The following OTOR variants were observed in gnomAD, a reference collection of about 807,000 sequenced individuals.
OTOR encodes the protein fibrocyte-derived protein.
Under a neutral mutation model 15.9 loss-of-function variants are expected in OTOR, and 20 were observed. That is an observed-to-expected ratio of 1.26 (90% CI 0.89 to 1.83). The LOEUF (loss-of-function observed/expected upper bound fraction) is 1.83, where lower values mean the gene tolerates loss of function less well. Among genes scored for constraint, OTOR ranks in the 40% most tolerant of loss-of-function variants. OTOR has a pLI of 0.00. For synonymous variants in OTOR, 53 were observed against 54.2 expected (o/e 0.98, Z 0.09); for missense variants, 184 against 159.0 (o/e 1.16, Z -0.85).
Position 16,751,293 on chromosome 20 carries a change from A to C in OTOR, c.*175A>C. 1 of 575,250 alleles carries C rather than the reference A, an allele frequency of 1.7e-6. No individual in the cohort carries two copies. The highest frequency in any genetic ancestry group is 3.0e-6 in the Non-Finnish European group (1 of 330,016). The allele number at this position is 575,250 out of a possible 1,614,324, so 35.6% of individuals were successfully genotyped here. On this transcript the variant is annotated 3_prime_UTR_variant, in exon 4 of 4. Transcript: ENST00000246081. ...CAGATAAAAGAGGATTTTCAACTCA[A>C]ATCTTGTTTCCTGCTGGCCTGGTCT...
chr20:16,750,042 T>C (rs772918837), intron 3 of OTOR, 32 bp downstream of exon 3: 3 of 1,429,968 alleles, frequency 2.1e-6, no homozygotes, highest in Non-Finnish European at 3.0e-6. Context: ...AGACAAGGAC[T>C]CAGATCTTGG....
chr20:16,748,555 C>T, intron 1 of OTOR, 39 bp downstream of exon 1: 2 of 1,199,728 alleles, frequency 1.7e-6, no homozygotes, highest in Non-Finnish European at 2.5e-6. Flanking sequence ...CTTTCTATTA[C>T]ATAATTGAAA....
At position 16,748,506 on chromosome 20, in the gene OTOR, T is replaced by A; in HGVS notation, c.105T>A (p.Asp35Glu). 1.3e-6 allele frequency: 2 copies of A among 1,594,514 alleles called. No homozygotes were observed. Among genetic ancestry groups the A allele is most frequent in the Non-Finnish European group, 1.7e-6 (2 of 1,162,580 alleles). The change falls in exon 1 of 4, where the codon GAT (aspartate) becomes GAA (glutamate). Residue 35 changes from aspartate (D) to glutamate (E), a missense_variant. Asp to Glu is a conservative substitution (Grantham distance 45). Coordinates refer to ENST00000246081, the MANE Select transcript of OTOR (RefSeq NM_020157.4). ...CTTCCAAGAAGCTCTGTGCAGATGA[T>A]GAGTGTGTCTGTAAGGACTTTTTTA... ...RLASKKLCAD[D>E]ECVYTISLAS...
chr20:16,751,734 T>A lies in OTOR; in HGVS notation c.*616T>A, dbSNP rs1422559085. 6.6e-6 allele frequency: 1 copy of A among 152,200 alleles called. No individual in the cohort carries two copies. The highest frequency in any genetic ancestry group is 6.5e-5 in the Admixed American group (1 of 15,282). The allele number at this position is 152,200 out of a possible 1,614,324, so 9.4% of individuals were successfully genotyped here. ...GAAAAATCTCAAAAATGATTTCAGTTGAATAACTTGCCTTCTAAATGATCA... is the reference window on the plus strand; with the variant it reads ...GAAAAATCTCAAAAATGATTTCAGTAGAATAACTTGCCTTCTAAATGATCA... On this transcript the variant is annotated 3_prime_UTR_variant, in exon 4 of 4. Transcript: ENST00000246081.
chr20:16,751,131 A>C lies in OTOR; in HGVS notation c.*13A>C, dbSNP rs752740102. On this transcript the variant is annotated 3_prime_UTR_variant, in exon 4 of 4. Coordinates refer to ENST00000246081, the MANE Select transcript of OTOR (RefSeq NM_020157.4). ...CTTCTGCGAGTAATAAATTAGTTAAAACTGCAAATAGAAAGAAAACACCAA... is the reference window on the plus strand; with the variant it reads ...CTTCTGCGAGTAATAAATTAGTTAACACTGCAAATAGAAAGAAAACACCAA... 6 of 1,511,530 alleles carry C rather than the reference A, an allele frequency of 4.0e-6. No homozygotes were observed. The South Asian group carries it at 7.4e-5, about 19-fold the overall frequency. 93.6% of individuals were successfully genotyped at this position (1,511,530 alleles called of 1,614,324 possible). A position where few individuals can be genotyped will look rare whatever the true frequency, so the allele number is the denominator to read the frequency against.
intron 1 of OTOR, 139 bp downstream of exon 1, chr20:16,748,655 C>T (rs2072507907): frequency 1.4e-6 from 1 of 700,886 alleles, no homozygotes; most frequent in African/African-American, 1.8e-5. Flanking sequence ...TTCTGGTCTG[C>T]ATGTTTGGTA....
In OTOR at chr20:16,751,867, T is replaced by C. The variant is rs897232835; in HGVS notation, c.*749T>C. On this transcript the variant is annotated 3_prime_UTR_variant, in exon 4 of 4. Coordinates refer to ENST00000246081, the MANE Select transcript of OTOR (RefSeq NM_020157.4). ...GTTTTCCCTTAATATGTATCCTTGC[T>C]GGATATTATTCAAGCTGCAAGTCAT... The C allele has an allele frequency of 3.3e-5, 5 of 152,114 alleles. No homozygotes were observed. Among genetic ancestry groups the C allele is most frequent in the Non-Finnish European group, 7.4e-5 (5 of 68,026 alleles). 9.4% of individuals were successfully genotyped at this position (152,114 alleles called of 1,614,324 possible).
intron 1 of OTOR, 24 bp from the exon 2 acceptor site, chr20:16,748,843 T>C (rs1219835391): frequency 1.3e-6 from 2 of 1,541,334 alleles, no homozygotes; most frequent in Non-Finnish European, 1.7e-6. Context: ...TAAAATGTAA[T>C]CATTTAAATT....
rs1366646303 is a variant in OTOR, at chr20:16,751,720, A to G, written c.*602A>G. The G allele has an allele frequency of 1.3e-5, 2 of 152,208 alleles. No homozygotes were observed. The highest frequency in any genetic ancestry group is 4.8e-5 in the African/African-American group (2 of 41,450). 9.4% of individuals were successfully genotyped at this position (152,208 alleles called of 1,614,324 possible). ...TAATTTGTCATTTAGAAAAATCTCA[A>G]AAATGATTTCAGTTGAATAACTTGC... On this transcript the variant is annotated 3_prime_UTR_variant, in exon 4 of 4. Transcript: ENST00000246081.
At position 16,751,096 on chromosome 20, in the gene OTOR, A is replaced by T; in HGVS notation, c.365A>T (p.Asp122Val). The change falls in exon 4 of 4, where the codon GAT (aspartate) becomes GTT (valine). Residue 122 changes from aspartate (D) to valine (V), a missense_variant and splice_region_variant. Transcript: ENST00000246081. Reference protein sequence around the residue: ...QEATKEVPTTDIDFFCE With the variant: ...QEATKEVPTTVIDFFCE Reference sequence around the variant, plus strand: ...TTTTTTGTTTTTGTTTTTTTCCAGGATATTGACTTCTTCTGCGAGTAATAA... The same window carrying T: ...TTTTTTGTTTTTGTTTTTTTCCAGGTTATTGACTTCTTCTGCGAGTAATAA... The T allele has an allele frequency of 1.3e-6, 2 of 1,543,066 alleles. No homozygotes were observed. The highest frequency in any genetic ancestry group is 1.8e-6 in the Non-Finnish European group (2 of 1,139,562).
chr20:16,748,557 T>A (rs911769961), intron 1 of OTOR, 41 bp downstream of exon 1: 1 of 1,150,574 alleles, frequency 8.7e-7, no homozygotes, highest in Non-Finnish European at 1.3e-6. Context: ...TTCTATTACA[T>A]AATTGAAAAT....
In OTOR at chr20:16,751,252, T is replaced by C. The variant is rs1193976938; in HGVS notation, c.*134T>C. 1.6e-6 allele frequency: 1 copy of C among 638,276 alleles called. No individual in the cohort carries two copies. The highest frequency in any genetic ancestry group is 2.6e-6 in the Non-Finnish European group (1 of 377,742). 39.5% of individuals were successfully genotyped at this position (638,276 alleles called of 1,614,324 possible). ...GTTACCTTACAGAAGAGCAAGGGCT[T>C]AGGGGTTGGAGGTGGCAGATAAAAG... On this transcript the variant is annotated 3_prime_UTR_variant, in exon 4 of 4. Coordinates refer to ENST00000246081, the MANE Select transcript of OTOR (RefSeq NM_020157.4).
intron 3 of OTOR, among the ~76,000 whole-genome samples, chr20:16,750,431 A>ATGTG (rs2072522563): frequency 2.3e-5 from 3 of 130,036 alleles, no homozygotes; most frequent in African/African-American, 8.2e-5. Context: ...GTGTGTGTGA[A>ATGTG]AACATTAAGA....
Position 16,749,673 on chromosome 20 carries a change from T to A in OTOR, c.256-230T>A, listed in dbSNP as rs2072515394. 1.4e-5 allele frequency: 7 copies of A among 488,006 alleles called. No homozygotes were observed. In the East Asian group the frequency reaches 2.2e-4, roughly 15 times the overall value. 30.2% of individuals were successfully genotyped at this position (488,006 alleles called of 1,614,324 possible). ...AAGATTGCGTAAAATAAAGTCATGC[T>A]AAAGTAGCGAAATAAGACTGGGCCA... is the stretch of plus-strand genomic sequence containing the variant. On this transcript the variant is annotated intron_variant, in intron 2 of 3. Coordinates refer to ENST00000246081, the MANE Select transcript of OTOR (RefSeq NM_020157.4).
At chr20:16,749,692 T>G (rs2072515554) in intron 2 of OTOR, 4 of 525,388 alleles carry the variant, frequency 7.6e-6, no homozygotes, top group Non-Finnish European at 1.4e-5. Context: ...GAAATAAGAC[T>G]GGGCCACTAA....
In OTOR at chr20:16,752,074, C is replaced by T. The variant is rs2072531852; in HGVS notation, c.*956C>T. 1.3e-5 allele frequency: 2 copies of T among 152,118 alleles called. No homozygotes were observed. The highest frequency in any genetic ancestry group is 3.2e-3 in the Middle Eastern group (1 of 316). The allele number at this position is 152,118 out of a possible 1,614,324, so 9.4% of individuals were successfully genotyped here. A position where few individuals can be genotyped will look rare whatever the true frequency, so the allele number is the denominator to read the frequency against. On this transcript the variant is annotated 3_prime_UTR_variant, in exon 4 of 4. Coordinates refer to ENST00000246081, the MANE Select transcript of OTOR (RefSeq NM_020157.4). ...TTTTCTATATTTAACTGGAAATATGCTTTGATTTTGTGTTATTAATATAAT... is the reference window on the plus strand; with the variant it reads ...TTTTCTATATTTAACTGGAAATATGTTTTGATTTTGTGTTATTAATATAAT...
Position 16,751,001 on chromosome 20 carries a change from T to C in OTOR, c.364-94T>C, listed in dbSNP as rs568797159. On this transcript the variant is annotated intron_variant, in intron 3 of 3. Transcript: ENST00000246081. ...TTTACTTACTTTAAATCCAAATTTCTCTGATTAGATATGACTTTAAATACA... is the reference window on the plus strand; with the variant it reads ...TTTACTTACTTTAAATCCAAATTTCCCTGATTAGATATGACTTTAAATACA... 48 of 948,098 alleles carry C rather than the reference T, an allele frequency of 5.1e-5. 1 individual carries two copies. In the South Asian group the frequency reaches 5.4e-4, roughly 11 times the overall value. The allele number at this position is 948,098 out of a possible 1,614,324, so 58.7% of individuals were successfully genotyped here.
chr20:16,750,326 TTA>T (rs1434954539), intron 3 of OTOR, among the ~76,000 whole-genome samples: 1 of 152,220 alleles, frequency 6.6e-6, no homozygotes, highest in Non-Finnish European at 1.5e-5. Flanking sequence ...AATGCATACA[TTA>T]TGTTTTGATA....
chr20:16,750,348 A>C (rs1007042611), intron 3 of OTOR, among the ~76,000 whole-genome samples: 5 of 152,188 alleles, frequency 3.3e-5, no homozygotes, highest in Admixed American at 6.6e-5. Context: ...ATACATTGTG[A>C]AATGATCATC....
Sources: gnomAD v4.1 joint callset for allele counts (sites outside exome capture counted in the v4.1 genomes callset) on GRCh38, gnomAD v4.1.1 for gene constraint, MANE v1.5 for transcripts, NCBI Gene and HGNC (gene_info 2026-07-23, HGNC 2026-07-21) for gene names.